HINT2: variants seen among roughly 807,000 people sequenced by gnomAD.
The protein encoded by HINT2 is histidine triad nucleotide binding protein 2.
A neutral mutation model predicts 20.0 loss-of-function variants in HINT2; 17 were observed. The ratio of observed to expected loss-of-function variants is 0.85; its 90% CI spans 0.58 to 1.27. The LOEUF (loss-of-function observed/expected upper bound fraction) is 1.27, where lower values mean the gene tolerates loss of function less well. HINT2 is among the 50% of genes most tolerant of loss of function. HINT2 has a pLI of 0.00. For synonymous variants in HINT2, 96 were observed against 84.2 expected, an observed-to-expected ratio of 1.14 and a Z score of -0.77; for missense variants, 217 against 211.9, an observed-to-expected ratio of 1.02 and a Z score of -0.15.
chr9:35,813,641 C>T lies in HINT2; in HGVS notation c.222+3G>A. 6.2e-7 allele frequency: 1 copy of T among 1,614,190 alleles called. No individual in the cohort carries two copies. The highest frequency in any genetic ancestry group is 8.5e-7 in the Non-Finnish European group (1 of 1,180,032). ...AAGGGGATAGGTCCTAAGAGCACCC[C>T]ACCTGCTGGTCCTCATAGAGAATGT... On this transcript the variant is annotated splice_donor_region_variant and intron_variant, in intron 2 of 4. Transcript: ENST00000259667.
chr9:35,813,762 G>A lies in HINT2; in HGVS notation c.104C>T (p.Thr35Ile), dbSNP rs150427900. The change falls in exon 2 of 5, where the codon ACT becomes ATT. Residue 35 changes from threonine to isoleucine, a missense_variant. Thr to Ile is a moderately conservative substitution (Grantham distance 89, BLOSUM62 -1). Coordinates refer to ENST00000259667, the MANE Select transcript of HINT2 (RefSeq NM_032593.3). ...GGCCTTGGCCACTTCATTCCCATCA[G>A]TCACACCTGCAGCTCCTCGGACCTG... ...GGQVRGAAGVTDGNEVAKAQQ... is the reference protein window; with the variant it reads ...GGQVRGAAGVIDGNEVAKAQQ... 78 of 1,613,578 alleles carry A rather than the reference G, an allele frequency of 4.8e-5. No homozygotes were observed. In the African/African-American group the frequency reaches 7.7e-4, roughly 16 times the overall value.
At position 35,813,733 on chromosome 9, in the gene HINT2, G is replaced by A; in HGVS notation, c.133C>T (p.Gln45Ter). The change falls in exon 2 of 5, where the codon CAG (glutamine) becomes TAG (stop). Residue 45 changes from glutamine to a stop codon, truncating the protein, a stop_gained. Coordinates refer to ENST00000259667, the MANE Select transcript of HINT2 (RefSeq NM_032593.3). LOFTEE classifies it high-confidence loss of function. ...TDGNEVAKAQ[Q>*]ATPGGAAPTI... The stretch of plus-strand genomic sequence containing the variant: ...GGGGCTGCTCCCCCAGGAGTTGCCT[G>A]CTGGGCCTTGGCCACTTCATTCCCA... 6.2e-7 allele frequency: 1 copy of A among 1,613,914 alleles called. No homozygotes were observed. Among genetic ancestry groups the A allele is most frequent in the Non-Finnish European group, 8.5e-7 (1 of 1,179,796 alleles).
chr9:35,814,162 A>G (rs1244709130), intron 1 of HINT2: 3 of 187,590 alleles, frequency 1.6e-5, no homozygotes, highest in Admixed American at 5.4e-5. Context: ...TGGTTTCCAT[A>G]ATCTCTTGCG....
At chr9:35,813,572 G>T in intron 2 of HINT2, 23 bp from the exon 3 acceptor site, 1 of 1,613,944 alleles carries the variant, frequency 6.2e-7, no homozygotes, top group Non-Finnish European at 8.5e-7. Context: ...ACAGGCCAGA[G>T]GCCACGTTAC....
At chr9:35,815,233 C>A (rs1304583680), upstream of HINT2, 3 of 436,486 alleles carry the variant, frequency 6.9e-6, no homozygotes, top group Admixed American at 4.5e-5. Flanking sequence ...GTCTTCTAGT[C>A]CGTGTGAACG....
chr9:35,814,110 A>T (rs1445023996), intron 1 of HINT2: 1 of 249,502 alleles, frequency 4.0e-6, no homozygotes, highest in Non-Finnish European at 7.7e-6. Context: ...GAATTACCTC[A>T]GATAAATTCC....
intron 1 of HINT2, 30 bp downstream of exon 1, chr9:35,814,869 C>T (rs771623710): frequency 3.4e-6 from 5 of 1,473,890 alleles, no homozygotes; most frequent in Non-Finnish European, 2.7e-6. Context: ...GCCCGCAGGA[C>T]CCCCTACTCG....
In HINT2 at chr9:35,814,952, C is replaced by T. The variant is rs1352663929; in HGVS notation, c.28G>A (p.Gly10Arg). ...ACGGCTCTGCGCGCCGCGCGCAACC[C>T]AGCAGCCAGCACCACGGCTGCCGCC... Reference protein sequence around the residue: MAAAVVLAAGLRAARRAVAA... With the variant: MAAAVVLAARLRAARRAVAA... The change falls in exon 1 of 5, where the codon GGG (glycine) becomes AGG (arginine). Residue 10 changes from glycine (G) to arginine (R), a missense_variant. Coordinates refer to ENST00000259667, the MANE Select transcript of HINT2 (RefSeq NM_032593.3). 2 of 1,482,276 alleles carry T rather than the reference C, an allele frequency of 1.3e-6. No individual in the cohort carries two copies. The highest frequency in any genetic ancestry group is 2.4e-5 in the Admixed American group (1 of 42,514). 91.8% of individuals were successfully genotyped at this position (1,482,276 alleles called of 1,614,324 possible).
chr9:35,813,748 C>T lies in HINT2; in HGVS notation c.118G>A (p.Val40Met). ...GGAGTTGCCTGCTGGGCCTTGGCCACTTCATTCCCATCAGTCACACCTGCA... is the reference window on the plus strand; with the variant it reads ...GGAGTTGCCTGCTGGGCCTTGGCCATTTCATTCCCATCAGTCACACCTGCA... ...GAAGVTDGNE[V>M]AKAQQATPGG... Residue 40 changes from valine (V) to methionine (M), a missense_variant, in exon 2 of 5, where the codon GTG becomes ATG. Transcript: ENST00000259667. 2.5e-6 allele frequency: 4 copies of T among 1,613,920 alleles called. No individual in the cohort carries two copies. In the South Asian group the frequency reaches 4.4e-5, roughly 18 times the overall value.
chr9:35,813,656 A>G lies in HINT2; in HGVS notation c.210T>C (p.Tyr70=), dbSNP rs372054295. The change falls in exon 2 of 5, where the codon TAT becomes TAC. Residue 70 remains tyrosine (Y), a synonymous_variant. Transcript: ENST00000259667. ...AAGAGCACCCCACCTGCTGGTCCTC[A>G]TAGAGAATGTCAGCTGGGAGGCTCT... ...LDKSLPADIL[Y]EDQQCLVFRD... is the part of the protein sequence containing the mutation. 3 of 1,614,076 alleles carry G rather than the reference A, an allele frequency of 1.9e-6. No individual in the cohort carries two copies. The highest frequency in any genetic ancestry group is 4.5e-5 in the East Asian group (2 of 44,882).
chr9:35,813,854 GTCCTT>G (rs1431684085), intron 1 of HINT2, 70 bp from the exon 2 acceptor site: 7 of 1,509,388 alleles, frequency 4.6e-6, no homozygotes, highest in African/African-American at 2.8e-5. Flanking sequence ...TGTTAATTTC[GTCCTT>G]CTAATAACCT....
upstream of HINT2, chr9:35,815,175 T>C (rs1049929428): frequency 6.2e-6 from 3 of 484,430 alleles, no homozygotes; most frequent in African/African-American, 6.1e-5. Flanking sequence ...TTTCATCTCA[T>C]TGGCTGCTTC....
Position 35,812,994 on chromosome 9 carries a change from C to T in HINT2, c.*60G>A, listed in dbSNP as rs1387266364. ...AACAGTTTTATTAGCATCACAGGGT[C>T]CATTTTTCCCTTTCCATCCAAGCAT... On this transcript the variant is annotated 3_prime_UTR_variant, in exon 5 of 5. Transcript: ENST00000259667. 3 of 1,249,042 alleles carry T rather than the reference C, an allele frequency of 2.4e-6. No homozygotes were observed. In the African/African-American group the frequency reaches 4.4e-5, roughly 18 times the overall value. The allele number at this position is 1,249,042 out of a possible 1,614,324, so 77.4% of individuals were successfully genotyped here.
intron 1 of HINT2, chr9:35,814,615 G>A (rs986574903): frequency 2.4e-6 from 1 of 416,320 alleles, no homozygotes; most frequent in East Asian, 4.0e-5. Context: ...CCTGCAGGGG[G>A]CATCGGGCCA....
rs1345908004 is a variant in HINT2, at chr9:35,815,011, G to A, written c.-32C>T. ...TGAGCCGCGGGAACCTCTCACCCGGGTCAGCACTCGGCTCCGCGGCCGGCC... is the reference window on the plus strand; with the variant it reads ...TGAGCCGCGGGAACCTCTCACCCGGATCAGCACTCGGCTCCGCGGCCGGCC... On this transcript the variant is annotated 5_prime_UTR_variant, in exon 1 of 5. Coordinates refer to ENST00000259667, the MANE Select transcript of HINT2 (RefSeq NM_032593.3). 2 of 1,409,496 alleles carry A rather than the reference G, an allele frequency of 1.4e-6. No individual in the cohort carries two copies. Among genetic ancestry groups the A allele is most frequent in the Admixed American group, 6.5e-5 (2 of 30,636 alleles). 87.3% of individuals were successfully genotyped at this position (1,409,496 alleles called of 1,614,324 possible).
intron 1 of HINT2, 29 bp downstream of exon 1, chr9:35,814,870 C>A (rs893386428): frequency 4.7e-6 from 7 of 1,477,916 alleles, no homozygotes; most frequent in South Asian, 2.6e-5. Flanking sequence ...CCCGCAGGAC[C>A]CCCTACTCGC....
chr9:35,813,598 G>A (rs1024045005), intron 2 of HINT2, 46 bp downstream of exon 2: 1 of 1,613,838 alleles, frequency 6.2e-7, no homozygotes, highest in Non-Finnish European at 8.5e-7. Context: ...CAGGTTGGAT[G>A]GTATCTACAA....
chr9:35,813,787 G>C lies in HINT2; in HGVS notation c.82-3C>G. On this transcript the variant is annotated splice_region_variant and splice_polypyrimidine_tract_variant and intron_variant, in intron 1 of 4. Coordinates refer to ENST00000259667, the MANE Select transcript of HINT2 (RefSeq NM_032593.3). Reference sequence around the variant, plus strand: ...GTCACACCTGCAGCTCCTCGGACCTGAAGGTGGATCGACCATATTCAAAGG... The same window carrying C: ...GTCACACCTGCAGCTCCTCGGACCTCAAGGTGGATCGACCATATTCAAAGG... 1 of 1,610,812 alleles carries C rather than the reference G, an allele frequency of 6.2e-7. No homozygotes were observed.
intron 4 of HINT2, 37 bp from the exon 5 acceptor site, chr9:35,813,182 G>A: frequency 6.2e-7 from 1 of 1,612,326 alleles, no homozygotes; most frequent in Non-Finnish European, 8.5e-7. Flanking sequence ...TCAGGATCAT[G>A]GCAGAGGTCG....
Sources: gnomAD v4.1 joint callset for allele counts on GRCh38, gnomAD v4.1.1 for gene constraint, MANE v1.5 for transcripts, NCBI Gene and HGNC (gene_info 2026-07-23, HGNC 2026-07-21) for gene names.